Variants in C5 observed in about 807,000 individuals in gnomAD.
C5 encodes C3 and PZP-like alpha-2-macroglobulin domain-containing protein 4.
In C5, 140 loss-of-function variants were observed where a neutral mutation model predicts 218.8. The observed-to-expected ratio is 0.64, with a 90% CI of 0.56 to 0.74. The LOEUF is 0.74. Among genes scored for constraint, C5 ranks in the 30% least tolerant of loss-of-function variants. C5 has a pLI of 0.00. For missense variants in C5, 1,700 were observed against 1,969.6 expected (o/e 0.86, Z 2.59); for synonymous variants, 614 against 682.3 (o/e 0.90, Z 1.56).
In C5 at chr9:120,962,747, T is replaced by G. The variant is rs2046836420; in HGVS notation, c.4428A>C (p.Arg1476=). 6.2e-7 allele frequency: 1 copy of G among 1,613,974 alleles called. No homozygotes were observed. Among genetic ancestry groups the G allele is most frequent in the Non-Finnish European group, 8.5e-7 (1 of 1,179,966 alleles). ...SIPSSDFLCV[R]FRIFELFEVG... Reference sequence around the variant, plus strand: ...CTTCAAAGAGTTCAAATATCCGGAATCGTACACAAAGGAAATCACTGGAGG... The same window carrying G: ...CTTCAAAGAGTTCAAATATCCGGAAGCGTACACAAAGGAAATCACTGGAGG... Residue 1476 remains arginine, a synonymous_variant, in exon 36 of 41, where the codon CGA becomes CGC. Transcript: ENST00000223642.
rs41309902 is a variant in C5, at chr9:120,996,293, C to A, written c.2798G>T (p.Gly933Val). The part of the protein sequence containing the change: ...LVKTLRVVPE[G>V]VKRESYSGVT... ...ACCAGAATAGCTTTCCCTTTTGACA[C>A]CTTCTGGCTAAAATAAAGGCAGAAA... Residue 933 changes from glycine (G) to valine (V), a missense_variant, in exon 22 of 41, where the codon GGT (glycine) becomes GTT (valine). Coordinates refer to ENST00000223642, the MANE Select transcript of C5 (RefSeq NM_001735.3). The A allele has an allele frequency of 6.2e-7, 1 of 1,612,326 alleles. No homozygotes were observed. Among genetic ancestry groups the A allele is most frequent in the African/African-American group, 1.3e-5 (1 of 74,998 alleles).
chr9:120,964,645 T>C (rs1468878822), intron 33 of C5, among the ~76,000 whole-genome samples: 1 of 152,210 alleles, frequency 6.6e-6, no homozygotes, highest in East Asian at 1.9e-4. Flanking sequence ...ATTCTGCTAG[T>C]AGGAATTTAA....
intron 36 of C5, among the ~76,000 whole-genome samples, chr9:120,961,885 G>C (rs1269220224): frequency 6.6e-6 from 1 of 152,176 alleles, no homozygotes; most frequent in Non-Finnish European, 1.5e-5. Flanking sequence ...GAATTGTTTA[G>C]GGTGGACAAG....
intron 18 of C5, 69 bp from the exon 19 acceptor site, chr9:121,007,046 A>G: frequency 8.2e-7 from 1 of 1,220,492 alleles, no homozygotes. Flanking sequence ...AGAGACATCC[A>G]TTAACAGAAT....
At chr9:121,041,258 C>T (rs1473000708) in intron 3 of C5, among the ~76,000 whole-genome samples, 17 of 132,300 alleles carry the variant, frequency 1.3e-4, no homozygotes, top group African/African-American at 4.8e-4. Flanking sequence ...ATTACATCAT[C>T]TTACAGTAAA....
At chr9:121,054,451 T>C (rs2047688531), upstream of C5, among the ~76,000 whole-genome samples, 1 of 152,024 alleles carries the variant, frequency 6.6e-6, no homozygotes, top group African/African-American at 2.4e-5. Flanking sequence ...AATACAAAAA[T>C]TAGCTGGGTG....
chr9:121,067,988 A>G, the C5 span, among the ~76,000 whole-genome samples: 4 of 152,198 alleles, frequency 2.6e-5, no homozygotes, highest in African/African-American at 9.6e-5. Context: ...CTAATACAAC[A>G]TAATAAAGGC....
At chr9:121,001,492 A>G (rs2047161050) in intron 20 of C5, among the ~76,000 whole-genome samples, 1 of 152,186 alleles carries the variant, frequency 6.6e-6, no homozygotes. Context: ...CAAAAATTTT[A>G]TGTGTATTAA....
At chr9:121,011,928 C>A (rs1446339873) in intron 17 of C5, among the ~76,000 whole-genome samples, 2 of 151,706 alleles carry the variant, frequency 1.3e-5, no homozygotes, top group Non-Finnish European at 2.9e-5. Context: ...AAAATCAAAA[C>A]AATTTAACTT....
chr9:121,021,817 AT>A (rs1167379376), intron 10 of C5, 123 bp from the exon 11 acceptor site: 22 of 971,864 alleles, frequency 2.3e-5, no homozygotes, highest in Admixed American at 5.8e-5. Flanking sequence ...TTTTCTGAAA[AT>A]TTTTTTTCTG....
the C5 span, among the ~76,000 whole-genome samples, chr9:121,069,522 G>T: frequency 3.3e-5 from 5 of 149,692 alleles, no homozygotes; most frequent in Admixed American, 6.7e-5. Flanking sequence ...TGGAGAAAAA[G>T]AAACTCTTTT....
Position 121,027,162 on chromosome 9 carries a change from T to C in C5, c.871A>G (p.Met291Val), listed in dbSNP as rs755878663. 14 of 1,513,568 alleles carry C rather than the reference T, an allele frequency of 9.2e-6. No individual in the cohort carries two copies. The African/African-American group carries it at 1.1e-4, about 12-fold the overall frequency. The allele number at this position is 1,513,568 out of a possible 1,614,324, so 93.8% of individuals were successfully genotyped here. A position where few individuals can be genotyped will look rare whatever the true frequency, so the allele number is the denominator to read the frequency against. ...EMMQTAMQNT[M>V]LINGIAQVTF... ...GTGACTGTGTCTTAACATCTTACCATTGTGTTTTGCATTGCTGTTTGCATC... is the reference window on the plus strand; with the variant it reads ...GTGACTGTGTCTTAACATCTTACCACTGTGTTTTGCATTGCTGTTTGCATC... Residue 291 changes from methionine (M) to valine (V), a missense_variant and splice_region_variant, in exon 8 of 41, where the codon ATG (methionine) becomes GTG (valine). Transcript: ENST00000223642.
intron 25 of C5, among the ~76,000 whole-genome samples, chr9:120,983,870 C>T (rs1391443199): frequency 2.0e-5 from 3 of 152,162 alleles, no homozygotes; most frequent in Non-Finnish European, 2.9e-5. Context: ...CCCTGTCCCC[C>T]TCCACCTCCC....
chr9:120,996,608 G>C (rs376481460), intron 21 of C5, among the ~76,000 whole-genome samples: 1 of 152,092 alleles, frequency 6.6e-6, no homozygotes. Context: ...ACTCCCATTC[G>C]ACAGATGAGG....
chr9:121,008,591 G>A (rs2047235767), intron 17 of C5, 93 bp from the exon 18 acceptor site: 5 of 916,376 alleles, frequency 5.5e-6, no homozygotes, highest in Middle Eastern at 2.2e-4. Flanking sequence ...TGTAACTTAA[G>A]CATTTTCTGA....
At chr9:120,997,429 C>T in intron 21 of C5, 118 bp downstream of exon 21, 1 of 791,692 alleles carries the variant, frequency 1.3e-6, no homozygotes, top group South Asian at 1.6e-5. Context: ...AACCTCCATC[C>T]AGTTTCCTTA....
the C5 span, among the ~76,000 whole-genome samples, chr9:121,058,987 G>A: frequency 6.6e-6 from 1 of 152,352 alleles, no homozygotes; most frequent in African/African-American, 2.4e-5. Context: ...AAGACAAACT[G>A]AAAAGGTGAG....
chr9:121,024,467 G>C (rs1043085901), intron 9 of C5, among the ~76,000 whole-genome samples: 2 of 151,924 alleles, frequency 1.3e-5, no homozygotes, highest in East Asian at 3.9e-4. Context: ...AACATTTGAA[G>C]CTTTAATATT....
intron 27 of C5, among the ~76,000 whole-genome samples, 179 bp from the exon 28 acceptor site, chr9:120,980,433 A>C (rs2046983708): frequency 6.6e-6 from 1 of 152,154 alleles, no homozygotes. Flanking sequence ...GGAGCAGAGC[A>C]TAATCTTGGA....
Sources: allele counts gnomAD v4.1 joint callset (sites outside exome capture counted in the v4.1 genomes callset), GRCh38; gene constraint gnomAD v4.1.1; transcripts MANE v1.5; gene names NCBI Gene and HGNC (gene_info 2026-07-23, HGNC 2026-07-21).